Variants in ADAMTSL1 observed in about 807,000 individuals in gnomAD.
The protein encoded by ADAMTSL1 is ADAMTS-like protein 1.
In ADAMTSL1, 126 loss-of-function variants were observed where a neutral mutation model predicts 201.8. That is an observed-to-expected ratio of 0.62 (90% CI 0.54 to 0.72). The LOEUF (loss-of-function observed/expected upper bound fraction) is 0.72, where lower values mean the gene tolerates loss of function less well. ADAMTSL1 is among the 30% of genes least tolerant of loss of function. The pLI, the probability that ADAMTSL1 is intolerant of heterozygous loss-of-function variation, is 0.00. For missense variants in ADAMTSL1, 2,679 were observed against 2,277.8 expected (o/e 1.18, Z -3.59); for synonymous variants, 1,121 against 903.4 (o/e 1.24, Z -4.32).
intron 1 of ADAMTSL1, among the ~76,000 whole-genome samples, chr9:18,073,940 G>T (rs899302596): frequency 6.6e-6 from 1 of 151,808 alleles, no homozygotes; most frequent in African/African-American, 2.4e-5. Flanking sequence ...CTTCACACGG[G>T]AGGTTATCAG....
intron 23 of ADAMTSL1, among the ~76,000 whole-genome samples, chr9:18,834,020 G>A (rs1465639923): frequency 6.6e-6 from 1 of 152,052 alleles, no homozygotes; most frequent in African/African-American, 2.4e-5. Context: ...TTATTTCTGG[G>A]TTCTCTATTC....
chr9:18,288,795 G>A (rs550272459), intron 2 of ADAMTSL1, among the ~76,000 whole-genome samples: 2 of 152,214 alleles, frequency 1.3e-5, no homozygotes, highest in Non-Finnish European at 2.9e-5. Flanking sequence ...GCTGTTCCCA[G>A]GATAATTTGA....
At chr9:18,325,318 G>T (rs182831162) in intron 2 of ADAMTSL1, among the ~76,000 whole-genome samples, 228 of 152,254 alleles carry the variant, frequency 1.5e-3, no homozygotes, top group South Asian at 2.5e-3. Flanking sequence ...GTTCAAGCCA[G>T]CCTAATGTTG....
chr9:18,742,599 T>A lies in ADAMTSL1; in HGVS notation c.2007-10699T>A, dbSNP rs1200600717. On this transcript the variant is annotated intron_variant, in intron 15 of 28. Coordinates refer to ENST00000380548, the MANE Select transcript of ADAMTSL1 (RefSeq NM_001040272.6). ...GAAACCTTGCTGGAAGAGGAAGGGC[T>A]TGAATCAGTCCTTGATCTTGAGGTA... is the stretch of plus-strand genomic sequence containing the variant. 2.6e-5 allele frequency among the ~76,000 whole-genome samples: 4 copies of A among 152,282 alleles called. No individual in the cohort carries two copies. In the East Asian group the frequency reaches 7.7e-4, roughly 29 times the overall value.
intron 19 of ADAMTSL1, among the ~76,000 whole-genome samples, chr9:18,781,989 C>T (rs1469240224): frequency 2.0e-5 from 3 of 152,198 alleles, no homozygotes; most frequent in African/African-American, 7.2e-5. Context: ...ACATAGTTCT[C>T]AGAAATGCAT....
chr9:18,560,736 G>A (rs1032447621), intron 3 of ADAMTSL1, among the ~76,000 whole-genome samples: 1 of 151,972 alleles, frequency 6.6e-6, no homozygotes, highest in Non-Finnish European at 1.5e-5. Flanking sequence ...TTAGTCTTGG[G>A]AGGGTGTATG....
chr9:17,922,693 G>C (rs1331169873), intron 1 of ADAMTSL1, among the ~76,000 whole-genome samples: 1 of 149,790 alleles, frequency 6.7e-6, no homozygotes, highest in African/African-American at 2.5e-5. Flanking sequence ...AGGGAGAGGT[G>C]GGAGTGAACC....
chr9:18,337,711 AT>A (rs1233688871), intron 2 of ADAMTSL1, among the ~76,000 whole-genome samples: 3 of 152,200 alleles, frequency 2.0e-5, no homozygotes, highest in Non-Finnish European at 4.4e-5. Flanking sequence ...GCTAAATGTA[AT>A]TAATGAACAA....
intron 2 of ADAMTSL1, among the ~76,000 whole-genome samples, chr9:18,409,387 A>G (rs1180876518): frequency 6.9e-6 from 1 of 144,650 alleles, no homozygotes; most frequent in East Asian, 2.0e-4. Context: ...CCGTCTCAAA[A>G]AAAAAAAAAA....
chr9:18,632,084 C>T (rs1158898495), intron 5 of ADAMTSL1, among the ~76,000 whole-genome samples: 1 of 152,122 alleles, frequency 6.6e-6, no homozygotes, highest in Non-Finnish European at 1.5e-5. Flanking sequence ...GCCCCTGCCT[C>T]GCCAGCTATA....
At chr9:18,321,780 G>A (rs1469996937) in intron 2 of ADAMTSL1, among the ~76,000 whole-genome samples, 1 of 152,024 alleles carries the variant, frequency 6.6e-6, no homozygotes, top group African/African-American at 2.4e-5. Flanking sequence ...GCAACAGAGC[G>A]AGACTCCATG....
chr9:18,663,140 G>C (rs1458182690), intron 9 of ADAMTSL1, among the ~76,000 whole-genome samples: 1 of 152,062 alleles, frequency 6.6e-6, no homozygotes, highest in East Asian at 1.9e-4. Flanking sequence ...GTTTTCTGCT[G>C]TCAATTTCTT....
chr9:18,049,769 G>A (rs535310542), intron 1 of ADAMTSL1, among the ~76,000 whole-genome samples: 7 of 152,106 alleles, frequency 4.6e-5, no homozygotes, highest in South Asian at 2.1e-4. Flanking sequence ...GACTACAGGC[G>A]CCCACCACTG....
intron 1 of ADAMTSL1, among the ~76,000 whole-genome samples, chr9:17,936,913 G>A (rs1221012804): frequency 6.6e-6 from 1 of 152,076 alleles, no homozygotes. Flanking sequence ...TTGGTCTGAG[G>A]GTAGCATGTT....
chr9:17,945,893 C>A (rs1217276799), intron 1 of ADAMTSL1, among the ~76,000 whole-genome samples: 4 of 151,016 alleles, frequency 2.6e-5, no homozygotes, highest in East Asian at 2.0e-4. Context: ...GTGCAGCACA[C>A]CAGCATGGCA....
At chr9:18,659,831 G>C (rs182077077) in intron 8 of ADAMTSL1, among the ~76,000 whole-genome samples, 48 of 152,120 alleles carry the variant, frequency 3.2e-4, no homozygotes, top group Middle Eastern at 3.4e-3. Flanking sequence ...TTACTTTGAT[G>C]TTCCATGGGA....
At chr9:18,567,333 G>A (rs899863147) in intron 3 of ADAMTSL1, among the ~76,000 whole-genome samples, 3 of 152,140 alleles carry the variant, frequency 2.0e-5, no homozygotes, top group Admixed American at 1.3e-4. Context: ...AGGTATGGTG[G>A]CACACACCTG....
At chr9:18,519,925 A>C (rs1313363046) in intron 2 of ADAMTSL1, among the ~76,000 whole-genome samples, 1 of 152,036 alleles carries the variant, frequency 6.6e-6, no homozygotes, top group African/African-American at 2.4e-5. Flanking sequence ...TATACTCCTC[A>C]TTTTCATAAC....
At chr9:18,252,741 TTATC>T (rs928407591) in intron 2 of ADAMTSL1, among the ~76,000 whole-genome samples, 2 of 152,124 alleles carry the variant, frequency 1.3e-5, no homozygotes, top group African/African-American at 4.8e-5. Flanking sequence ...AAGAGTAAAA[TTATC>T]TATTCCTGGT....
Sources: allele counts gnomAD v4.1 joint callset (sites outside exome capture counted in the v4.1 genomes callset), GRCh38; gene constraint gnomAD v4.1.1; transcripts MANE v1.5; gene names NCBI Gene and HGNC (gene_info 2026-07-23, HGNC 2026-07-21).